The following GREB1 variants were observed in gnomAD, a reference collection of about 807,000 sequenced individuals.
GREB1 encodes protein GREB1.
GREB1 carries 106 observed loss-of-function variants against 200.7 expected under a neutral mutation model. That is an observed-to-expected ratio of 0.53 (90% CI 0.45 to 0.62). The LOEUF is 0.62. Among genes scored for constraint, GREB1 ranks in the 20% least tolerant of loss-of-function variants. The pLI is 0.00. For missense variants in GREB1, 2,243 were observed against 2,556.8 expected (o/e 0.88, Z 2.65); for synonymous variants, 1,132 against 1,092.4 (o/e 1.04, Z -0.72).
intron 1 of GREB1, among the ~76,000 whole-genome samples, chr2:11,513,151 G>A (rs140726873): frequency 6.6e-5 from 10 of 152,296 alleles, no homozygotes; most frequent in African/African-American, 2.2e-4. Flanking sequence ...GGTCTGCTAC[G>A]GTTCTAGAAT....
At chr2:11,595,098 C>T (rs1252288301) in intron 11 of GREB1, among the ~76,000 whole-genome samples, 153 bp from the exon 12 acceptor site, 1 of 151,824 alleles carries the variant, frequency 6.6e-6, no homozygotes, top group African/African-American at 2.4e-5. Flanking sequence ...CTTGTGTCAC[C>T]TGACAGCAGG....
At chr2:11,639,275 G>C (rs769601603) in intron 32 of GREB1, among the ~76,000 whole-genome samples, 5 of 152,168 alleles carry the variant, frequency 3.3e-5, no homozygotes, top group African/African-American at 4.8e-5. Flanking sequence ...TTTTAGTAGA[G>C]ACAGGGTTTT....
intron 9 of GREB1, 109 bp from the exon 10 acceptor site, chr2:11,588,637 G>A (rs761032277): frequency 3.0e-6 from 3 of 995,642 alleles, no homozygotes; most frequent in Admixed American, 1.7e-5. Flanking sequence ...GAGGGACCTG[G>A]CGCAGCTCAC....
rs1680449297 is a variant in GREB1, at chr2:11,588,946, C to T, written c.1345+15C>T. 3.1e-6 allele frequency: 5 copies of T among 1,609,778 alleles called. No individual in the cohort carries two copies. The highest frequency in any genetic ancestry group is 4.3e-6 in the Non-Finnish European group (5 of 1,176,436). On this transcript the variant is annotated intron_variant, in intron 10 of 32. Transcript: ENST00000381486. Reference sequence around the variant, plus strand: ...GGTCCAGCTGGGTGAGTCACCTCCACCTCCTGGCCCAGTGGCAGGGAGTGG... The same window carrying T: ...GGTCCAGCTGGGTGAGTCACCTCCATCTCCTGGCCCAGTGGCAGGGAGTGG...
At position 11,537,907 on chromosome 2, in the gene GREB1, G is replaced by T. The variant is rs78558813; in HGVS notation, c.-162+3653G>T. 1.5e-4 allele frequency among the ~76,000 whole-genome samples: 23 copies of T among 152,116 alleles called. No individual in the cohort carries two copies. The East Asian group carries it at 3.3e-3, about 22-fold the overall frequency. ...TCTTGCTGAATGTTGTATCCTAAGT[G>T]TGTCTGCATCATTGACAAACTCTTC... On this transcript the variant is annotated intron_variant, in intron 1 of 32. Coordinates refer to ENST00000381486, the MANE Select transcript of GREB1 (RefSeq NM_014668.4).
At chr2:11,587,231 G>A in intron 9 of GREB1, 2 of 702,466 alleles carry the variant, frequency 2.8e-6, no homozygotes, top group East Asian at 2.5e-5. Flanking sequence ...CCCTCCTGAG[G>A]CCTTAAGACT....
intron 1 of GREB1, among the ~76,000 whole-genome samples, chr2:11,499,984 A>T (rs1380468835): frequency 6.6e-6 from 1 of 151,138 alleles, no homozygotes; most frequent in Admixed American, 6.6e-5. Flanking sequence ...TTAGTAAAGT[A>T]TACTTTTTTT....
chr2:11,554,228 A>G (rs946050791), intron 1 of GREB1, among the ~76,000 whole-genome samples: 1 of 152,156 alleles, frequency 6.6e-6, no homozygotes, highest in African/African-American at 2.4e-5. Flanking sequence ...TTCCTGAAGC[A>G]ATCTTCCCAC....
At chr2:11,617,819 C>T (rs941408667) in intron 21 of GREB1, among the ~76,000 whole-genome samples, 2 of 152,124 alleles carry the variant, frequency 1.3e-5, no homozygotes, top group African/African-American at 2.4e-5. Context: ...TCAGGGCCCA[C>T]CAGGAGACTG....
At chr2:11,556,874 A>G in intron 2 of GREB1, 103 bp downstream of exon 2, 1 of 805,268 alleles carries the variant, frequency 1.2e-6, no homozygotes, top group Non-Finnish European at 1.8e-6. Flanking sequence ...ATAACGTTGA[A>G]TCTAGCAGAA....
At chr2:11,595,165 A>G (rs1293209730) in intron 11 of GREB1, 86 bp from the exon 12 acceptor site, 23 of 1,221,358 alleles carry the variant, frequency 1.9e-5, no homozygotes, top group African/African-American at 4.5e-5. Flanking sequence ...TGTCAAGTCT[A>G]GAAGGGTTAA....
chr2:11,609,122 T>A (rs576852898), intron 17 of GREB1, among the ~76,000 whole-genome samples: 1 of 152,314 alleles, frequency 6.6e-6, no homozygotes, highest in East Asian at 1.9e-4. Flanking sequence ...TTCAGCTGTT[T>A]CAGATGGGAG....
intron 1 of GREB1, among the ~76,000 whole-genome samples, chr2:11,487,801 T>G (rs150996207): frequency 6.6e-6 from 1 of 152,238 alleles, no homozygotes; most frequent in Non-Finnish European, 1.5e-5. Context: ...ATCCAAGACA[T>G]TATATCATTT....
Position 11,618,881 on chromosome 2 carries a change from T to C in GREB1, c.4006T>C (p.Phe1336Leu). The change falls in exon 22 of 33, where the codon TTC becomes CTC. Residue 1336 changes from phenylalanine to leucine, a missense_variant. By Grantham distance (22) the Phe-to-Leu change is conservative. Around this residue, in one of 3 missense-constraint regions of GREB1, gnomAD observed 587 missense variants for 553.1 expected, o/e 1.06. Coordinates refer to ENST00000381486, the MANE Select transcript of GREB1 (RefSeq NM_014668.4). ...CCGGGCCGAGGGCCGCGTGGACGGC[T>C]TCCACCCCCGCAGGCTGCTGCTCAG... is the stretch of plus-strand genomic sequence containing the variant. ...GNRAEGRVDG[F>L]HPRRLLLSGP... 6.4e-7 allele frequency: 1 copy of C among 1,564,388 alleles called. No homozygotes were observed.
chr2:11,620,008 C>T (rs553355071), intron 22 of GREB1, among the ~76,000 whole-genome samples: 3 of 152,278 alleles, frequency 2.0e-5, no homozygotes, highest in East Asian at 1.9e-4. Context: ...GACGGAGTCT[C>T]GCTCTGTCGC....
At chr2:11,487,513 C>T (rs879029962) in intron 1 of GREB1, among the ~76,000 whole-genome samples, 2 of 152,322 alleles carry the variant, frequency 1.3e-5, no homozygotes, top group African/African-American at 2.4e-5. Flanking sequence ...ATGTTCAAAA[C>T]ACACTGTTTT....
At chr2:11,530,528 C>T (rs1674034270), upstream of GREB1, among the ~76,000 whole-genome samples, 1 of 143,818 alleles carries the variant, frequency 7.0e-6, no homozygotes, top group Non-Finnish European at 1.5e-5. Flanking sequence ...GATTGCACCA[C>T]TGCTCTCCAG....
rs1042745489 is a variant in GREB1 at position 11,637,868 on chromosome 2, T to G, written c.5499T>G (p.His1833Gln). The G allele has an allele frequency of 1.2e-6, 2 of 1,614,100 alleles. No individual in the cohort carries two copies. The highest frequency in any genetic ancestry group is 1.7e-6 in the Non-Finnish European group (2 of 1,180,038). ...HLFFPLSLKN[H>Q]DHPVLSVDCY... ...TCTTCCCGCTGTCCCTGAAGAACCA[T>G]GACCACCCAGTGCTGTCTGTCGACT... The change falls in exon 31 of 33, where the codon CAT (histidine) becomes CAG (glutamine). Residue 1833 changes from histidine to glutamine, a missense_variant. Physicochemically the swap from His to Gln is conservative, Grantham distance 24. Transcript: ENST00000381486.
At chr2:11,529,480 A>G (rs1470537637), upstream of GREB1, among the ~76,000 whole-genome samples, 2 of 152,240 alleles carry the variant, frequency 1.3e-5, no homozygotes, top group Non-Finnish European at 2.9e-5. Flanking sequence ...TGGAACAGCC[A>G]GAACACTTAC....
Sources: gnomAD v4.1 joint callset for allele counts (sites outside exome capture counted in the v4.1 genomes callset) on GRCh38, gnomAD v4.1.1 for gene constraint, gnomAD v4.1.1 regional missense constraint, MANE v1.5 for transcripts, NCBI Gene and HGNC (gene_info 2026-07-23, HGNC 2026-07-21) for gene names.